The following BBS4 variants were observed in gnomAD, a reference collection of about 807,000 sequenced individuals.
BBS4 encodes the protein BBSome complex member BBS4.
A neutral mutation model predicts 71.4 loss-of-function variants in BBS4; 58 were observed. The ratio of observed to expected loss-of-function variants is 0.81; its 90% CI spans 0.66 to 1.01. The LOEUF is 1.01. BBS4 is among the 50% of genes least tolerant of loss of function. BBS4 has a pLI of 0.00. For missense variants in BBS4, 660 were observed against 607.9 expected (o/e 1.09, Z -0.90); for synonymous variants, 228 against 216.8 (o/e 1.05, Z -0.46).
At chr15:72,729,161 CTTTTTTTTTTTTTT>C (rs71137313) in intron 9 of BBS4, among the ~76,000 whole-genome samples, 2 of 70,036 alleles carry the variant, frequency 2.9e-5, no homozygotes, top group East Asian at 6.8e-4. Flanking sequence ...ACTGTAGCTG[CTTTTTTTTTTTTTT>C]TTTTTTTTTT....
At chr15:72,726,893 C>T (rs2065712603) in intron 8 of BBS4, among the ~76,000 whole-genome samples, 1 of 152,172 alleles carries the variant, frequency 6.6e-6, no homozygotes, top group South Asian at 2.1e-4. Flanking sequence ...ACTAAATTTC[C>T]TAAGGGAGAA....
intron 14 of BBS4, 70 bp from the exon 15 acceptor site, chr15:72,736,692 C>T: frequency 3.3e-6 from 5 of 1,506,844 alleles, no homozygotes; most frequent in Non-Finnish European, 9.2e-7. Context: ...AGCTCGAAGA[C>T]CAAAGAAGTG....
At chr15:72,733,924 C>T (rs1183755955) in intron 12 of BBS4, among the ~76,000 whole-genome samples, 1 of 152,196 alleles carries the variant, frequency 6.6e-6, no homozygotes, top group Non-Finnish European at 1.5e-5. Context: ...TCTGCAGCCT[C>T]ACCAGGATGT....
At chr15:72,708,243 G>T (rs1390991744) in intron 2 of BBS4, among the ~76,000 whole-genome samples, 3 of 152,188 alleles carry the variant, frequency 2.0e-5, no homozygotes, top group Non-Finnish European at 4.4e-5. Flanking sequence ...TGGGATTACA[G>T]GCGTGAGCCA....
intron 1 of BBS4, chr15:72,686,555 G>T (rs1444525727): frequency 3.0e-5 from 44 of 1,460,408 alleles, no homozygotes; most frequent in Non-Finnish European, 3.8e-5. Flanking sequence ...CTGTCTCGGG[G>T]GTTTGGAAGG....
chr15:72,734,959 A>T (rs916588389), intron 12 of BBS4, 154 bp from the exon 13 acceptor site: 6 of 670,852 alleles, frequency 8.9e-6, no homozygotes, highest in African/African-American at 1.8e-5. Context: ...TGACTGTAGA[A>T]GAGATGGTTG....
At chr15:72,732,053 G>T (rs1450284606) in intron 12 of BBS4, among the ~76,000 whole-genome samples, 1 of 152,142 alleles carries the variant, frequency 6.6e-6, no homozygotes, top group Non-Finnish European at 1.5e-5. Context: ...CAAGTGTTAA[G>T]AGCTTGGGTT....
At chr15:72,693,716 A>G (rs1356569084) in intron 1 of BBS4, among the ~76,000 whole-genome samples, 2 of 152,160 alleles carry the variant, frequency 1.3e-5, no homozygotes, top group East Asian at 3.8e-4. Context: ...AATAAACAGG[A>G]TGGATTTGAC....
intron 1 of BBS4, among the ~76,000 whole-genome samples, chr15:72,693,292 T>G (rs1036307337): frequency 1.3e-5 from 2 of 152,234 alleles, no homozygotes; most frequent in Admixed American, 1.3e-4. Context: ...TCCACTCCTT[T>G]GTTCTGGGAT....
Position 72,731,372 on chromosome 15 carries a change from G to T in BBS4, c.779G>T (p.Arg260Ile). ...GDFDVALTKY[R>I]VVACAVPESP... Reference sequence around the variant, plus strand: ...TTTGATGTTGCCCTCACCAAATACAGAGTTGTGGCTTGTGCTGTTCCAGAA... The same window carrying T: ...TTTGATGTTGCCCTCACCAAATACATAGTTGTGGCTTGTGCTGTTCCAGAA... The change falls in exon 11 of 16, where the codon AGA (arginine) becomes ATA (isoleucine). Residue 260 changes from arginine to isoleucine, a missense_variant. Coordinates refer to ENST00000268057, the MANE Select transcript of BBS4 (RefSeq NM_033028.5). The T allele has an allele frequency of 6.2e-7, 1 of 1,614,148 alleles. No homozygotes were observed. Among genetic ancestry groups the T allele is most frequent in the Non-Finnish European group, 8.5e-7 (1 of 1,180,026 alleles).
At chr15:72,712,671 A>G (rs2151020062) in intron 4 of BBS4, among the ~76,000 whole-genome samples, 1 of 152,342 alleles carries the variant, frequency 6.6e-6, no homozygotes, top group African/African-American at 2.4e-5. Context: ...GATAAAAAAT[A>G]GTATACCTGT....
intron 9 of BBS4, 74 bp from the exon 10 acceptor site, chr15:72,729,542 G>A (rs12902204): frequency 3.7e-5 from 53 of 1,420,262 alleles, no homozygotes; most frequent in Non-Finnish European, 4.5e-5. Context: ...TAGCCACCAC[G>A]CCTGGTCTGG....
At chr15:72,704,691 C>A (rs1225746754) in intron 2 of BBS4, among the ~76,000 whole-genome samples, 1 of 151,988 alleles carries the variant, frequency 6.6e-6, no homozygotes, top group East Asian at 1.9e-4. Context: ...ACCAGCCTGG[C>A]GGACATGGCA....
intron 3 of BBS4, among the ~76,000 whole-genome samples, chr15:72,711,569 G>A (rs1257877806): frequency 6.6e-6 from 1 of 152,148 alleles, no homozygotes; most frequent in African/African-American, 2.4e-5. Context: ...AACTTTTTCT[G>A]TAATGGGCCA....
intron 2 of BBS4, among the ~76,000 whole-genome samples, chr15:72,702,199 A>G (rs2065182275): frequency 6.6e-6 from 1 of 152,184 alleles, no homozygotes; most frequent in South Asian, 2.1e-4. Context: ...GACAGCCCAA[A>G]CATTTACATT....
intron 8 of BBS4, among the ~76,000 whole-genome samples, chr15:72,725,812 C>CCCCATCCCCCTTTCCCCATCCCCCTTT (rs2065671349): frequency 2.5e-4 from 1 of 3,982 alleles, no homozygotes; most frequent in Non-Finnish European, 5.8e-4. Context: ...CATCCCCCTT[C>CCCCATCCCCCTTTCCCCATCCCCCTTT]CCCCATCCCC....
chr15:72,691,498 T>G (rs2064982841), intron 1 of BBS4, among the ~76,000 whole-genome samples: 1 of 152,198 alleles, frequency 6.6e-6, no homozygotes, highest in African/African-American at 2.4e-5. Context: ...TTTATAGTTT[T>G]ACCATATATG....
In BBS4 at chr15:72,710,195, G is replaced by GTTCTTTTTTTTTTT. The variant is rs1239689474; in HGVS notation, c.156+418_156+419insCTTTTTTTTTTTTT. On this transcript the variant is annotated intron_variant, in intron 3 of 15. Transcript: ENST00000268057. ...TAGATGAAAAATGGTATTTTGTCGA[G>GTTCTTTTTTTTTTT]TTTTTTTTTTTTTTTTTTTTTTTTT... is the stretch of plus-strand genomic sequence containing the variant. 2.0e-4 allele frequency among the ~76,000 whole-genome samples: 21 copies of GTTCTTTTTTTTTTT among 103,442 alleles called. 5 individuals carry two copies. The highest frequency in any genetic ancestry group is 6.2e-4 in the African/African-American group (17 of 27,240). 67.9% of individuals were successfully genotyped at this position (103,442 alleles called of 152,430 possible).
At chr15:72,711,898 C>T (rs558880263) in intron 3 of BBS4, among the ~76,000 whole-genome samples, 1 of 151,688 alleles carries the variant, frequency 6.6e-6, no homozygotes, top group Non-Finnish European at 1.5e-5. Context: ...GACAGAGTCT[C>T]ACTCTGTTGC....
Sources: allele counts gnomAD v4.1 joint callset (sites outside exome capture counted in the v4.1 genomes callset), GRCh38; gene constraint gnomAD v4.1.1; transcripts MANE v1.5; gene names NCBI Gene and HGNC (gene_info 2026-07-23, HGNC 2026-07-21).